The following CDK12 variants were observed in gnomAD, a reference collection of about 807,000 sequenced individuals.
CDK12 encodes cyclin-dependent kinase 12.
In CDK12, 17 loss-of-function variants were observed where a neutral mutation model predicts 133.8. The observed-to-expected ratio is 0.13, with a 90% confidence interval of 0.09 to 0.19. The LOEUF is 0.19. Ranked by LOEUF, CDK12 falls within the 10% of genes least tolerant of loss-of-function variation. CDK12 has a pLI of 1.00. For synonymous variants in CDK12, 694 were observed against 683.6 expected, an observed-to-expected ratio of 1.02 and a Z score of -0.24; for missense variants, 1,508 against 1,818.7, an observed-to-expected ratio of 0.83 and a Z score of 3.11.
intron 2 of CDK12, among the ~76,000 whole-genome samples, chr17:39,551,726 G>T (rs548807641): frequency 5.9e-5 from 9 of 152,218 alleles, no homozygotes; most frequent in Admixed American, 5.9e-4. Flanking sequence ...TAGTGTTGAT[G>T]TACACTGGAG....
Position 39,471,672 on chromosome 17 carries a change from T to C in CDK12, c.1840T>C (p.Ser614Pro), listed in dbSNP as rs770728005. ...PVQVSVKTQV[S>P]VTAAIPHLKT... ...ACAGGTTTCTGTGAAGACTCAAGTA[T>C]CTGTAACAGCTGCTATTCCACACCT... Residue 614 changes from serine to proline, a missense_variant, in exon 2 of 14, where the codon TCT (serine) becomes CCT (proline). Around this residue, in one of 9 missense-constraint regions of CDK12, gnomAD observed 347 missense variants for 330.8 expected, o/e 1.05. Transcript: ENST00000447079. 3 of 1,613,952 alleles carry C rather than the reference T, an allele frequency of 1.9e-6. No homozygotes were observed. The highest frequency in any genetic ancestry group is 2.5e-6 in the Non-Finnish European group (3 of 1,179,966).
intron 2 of CDK12, among the ~76,000 whole-genome samples, chr17:39,555,012 G>T (rs750567792): frequency 2.6e-4 from 40 of 152,184 alleles, no homozygotes; most frequent in Non-Finnish European, 3.1e-4. Context: ...CACTTTGGGA[G>T]GCCGACGCAG....
At chr17:39,496,912 CTTTT>C (rs71147349) in intron 5 of CDK12, among the ~76,000 whole-genome samples, 4 of 87,834 alleles carry the variant, frequency 4.6e-5, no homozygotes, top group Non-Finnish European at 8.2e-5. Context: ...TTCAGTATAT[CTTTT>C]TTTTTTTTTT....
Position 39,494,685 on chromosome 17 carries a change from A to C in CDK12, c.2410A>C (p.Lys804Gln). ...TAAACAAGATGCACTGGATTTCAAG[A>C]AGGACAAAGGTACTAGCAAAGAATC... ...TDKQDALDFKKDKGAFYLVFE... is the reference protein window; with the variant it reads ...TDKQDALDFKQDKGAFYLVFE... The change falls in exon 5 of 14, where the codon AAG becomes CAG. Residue 804 changes from lysine (K) to glutamine (Q), a missense_variant. Physicochemically the swap from Lys to Gln is moderately conservative, Grantham distance 53. Coordinates refer to ENST00000447079, the MANE Select transcript of CDK12 (RefSeq NM_016507.4). The C allele has an allele frequency of 6.4e-7, 1 of 1,568,506 alleles. No homozygotes were observed. The highest frequency in any genetic ancestry group is 8.7e-7 in the Non-Finnish European group (1 of 1,155,816).
chr17:39,506,509 C>G (rs2053140659), intron 6 of CDK12, among the ~76,000 whole-genome samples: 1 of 152,074 alleles, frequency 6.6e-6, no homozygotes, highest in African/African-American at 2.4e-5. Flanking sequence ...AGCCACCACG[C>G]CTGGCCAATT....
upstream of CDK12, among the ~76,000 whole-genome samples, chr17:39,544,619 G>A (rs1335721936): frequency 7.1e-6 from 1 of 141,418 alleles, no homozygotes; most frequent in East Asian, 2.1e-4. Flanking sequence ...CTGGGTAACA[G>A]GCGATCTTTT....
chr17:39,519,846 G>T, intron 10 of CDK12, 110 bp from the exon 11 acceptor site: 1 of 1,236,656 alleles, frequency 8.1e-7, no homozygotes, highest in Non-Finnish European at 1.2e-6. Context: ...GTCCTACCTT[G>T]GCCTCCCAAA....
At chr17:39,478,253 TC>T (rs1460275246) in intron 2 of CDK12, among the ~76,000 whole-genome samples, 1 of 151,604 alleles carries the variant, frequency 6.6e-6, no homozygotes. Flanking sequence ...GTGCAGTGGC[TC>T]AATCTCAGCT....
At chr17:39,479,439 G>A (rs2050468360) in intron 2 of CDK12, among the ~76,000 whole-genome samples, 1 of 151,826 alleles carries the variant, frequency 6.6e-6, no homozygotes, top group Non-Finnish European at 1.5e-5. Flanking sequence ...TTAGTATGTT[G>A]TGGGTGGAAT....
At chr17:39,546,798 G>C (rs2055728488), upstream of CDK12, 1 of 152,100 alleles carries the variant, frequency 6.6e-6, no homozygotes, top group Non-Finnish European at 1.5e-5. Context: ...CCCCAAACAG[G>C]GTTATGTTTC....
chr17:39,540,677 T>G (rs936779004), intron 1 of CDK12, among the ~76,000 whole-genome samples: 1 of 152,184 alleles, frequency 6.6e-6, no homozygotes, highest in Non-Finnish European at 1.5e-5. Flanking sequence ...AGGGATCATT[T>G]GTATCTCTGA....
At chr17:39,509,435 T>TG (rs2053344236) in intron 6 of CDK12, among the ~76,000 whole-genome samples, 1 of 151,488 alleles carries the variant, frequency 6.6e-6, no homozygotes, top group Admixed American at 6.6e-5. Context: ...GTAATAATAG[T>TG]TTTTTTTTGT....
intron 5 of CDK12, among the ~76,000 whole-genome samples, chr17:39,497,627 A>T (rs2052231423): frequency 6.6e-6 from 1 of 151,780 alleles, no homozygotes; most frequent in African/African-American, 2.4e-5. Context: ...TTATTTTTTG[A>T]GACAGTCTCA....
At chr17:39,547,129 A>T (rs1381755149), upstream of CDK12, among the ~76,000 whole-genome samples, 44 of 90,590 alleles carry the variant, frequency 4.9e-4, no homozygotes, top group Admixed American at 9.4e-4. Flanking sequence ...GAGTACTAGG[A>T]TTTTTTTTTT....
rs1270610154 is a variant in CDK12 at position 39,534,155 on chromosome 17, C to T, written c.*2839C>T. The T allele has an allele frequency of 4.3e-6, 1 of 232,522 alleles. No homozygotes were observed. Among genetic ancestry groups the T allele is most frequent in the Non-Finnish European group, 8.5e-6 (1 of 117,672 alleles). 14.4% of individuals were successfully genotyped at this position (232,522 alleles called of 1,614,324 possible). On this transcript the variant is annotated 3_prime_UTR_variant, in exon 14 of 14. Transcript: ENST00000447079. ...TTTTTTCTTCAACTGTCCATAGGAA[C>T]GATAAGTATTTGAAAGCAACATCAA...
At chr17:39,496,912 C>CTTTTTTTTTTTT (rs71147349) in intron 5 of CDK12, among the ~76,000 whole-genome samples, 2 of 87,818 alleles carry the variant, frequency 2.3e-5, no homozygotes, top group Non-Finnish European at 4.1e-5. Context: ...TTCAGTATAT[C>CTTTTTTTTTTTT]TTTTTTTTTT....
chr17:39,523,566 A>G (rs557221531), intron 11 of CDK12, among the ~76,000 whole-genome samples: 2 of 152,220 alleles, frequency 1.3e-5, no homozygotes, highest in Admixed American at 1.3e-4. Context: ...TCATTTTCTT[A>G]AGAAAGACTA....
intron 3 of CDK12, chr17:39,557,121 TGAGA>T (rs1567821174): frequency 1.3e-5 from 2 of 152,126 alleles, no homozygotes; most frequent in Admixed American, 6.6e-5. Flanking sequence ...CCTTTATGTC[TGAGA>T]GAGAGGTAGC....
rs2049762035 is a variant in CDK12, at chr17:39,471,154, G to A, written c.1322G>A (p.Gly441Asp). The change falls in exon 2 of 14, where the codon GGT (glycine) becomes GAT (aspartate). Residue 441 changes from glycine to aspartate, a missense_variant. By Grantham distance (94) the Gly-to-Asp change is moderately conservative (BLOSUM62 -1). This residue lies in a region of CDK12 where 347 missense variants were observed against 330.8 expected (regional missense o/e 1.05). Coordinates refer to ENST00000447079, the MANE Select transcript of CDK12 (RefSeq NM_016507.4). ...AGTTCAGTAGAGGCTAAGGATTCAGGTTTGGAGTCTAAAAAGTTACCCAGA... is the reference window on the plus strand; with the variant it reads ...AGTTCAGTAGAGGCTAAGGATTCAGATTTGGAGTCTAAAAAGTTACCCAGA... ...ENSSVEAKDS[G>D]LESKKLPRSV... is the part of the protein sequence containing the mutation. 1.3e-6 allele frequency: 2 copies of A among 1,584,396 alleles called. No individual in the cohort carries two copies. Among genetic ancestry groups the A allele is most frequent in the Non-Finnish European group, 1.7e-6 (2 of 1,169,634 alleles).
Sources: gnomAD v4.1 joint callset for allele counts (sites outside exome capture counted in the v4.1 genomes callset) on GRCh38, gnomAD v4.1.1 for gene constraint, gnomAD v4.1.1 regional missense constraint, MANE v1.5 for transcripts, NCBI Gene and HGNC (gene_info 2026-07-23, HGNC 2026-07-21) for gene names.